LARP1B: variants seen among roughly 807,000 people sequenced by gnomAD.
LARP1B encodes La ribonucleoprotein 1B.
In LARP1B, 76 loss-of-function variants were observed where a neutral mutation model predicts 114.2. The ratio of observed to expected loss-of-function variants is 0.67; its 90% CI spans 0.55 to 0.81. The LOEUF (loss-of-function observed/expected upper bound fraction) is 0.81. LARP1B is among the 30% of genes least tolerant of loss of function. The pLI is 0.00. For missense variants in LARP1B, 1,014 were observed against 1,075.8 expected (o/e 0.94, Z 0.80); for synonymous variants, 345 against 348.0 (o/e 0.99, Z 0.10).
At chr4:128,221,022 G>A (rs184726056) in intron 7 of LARP1B, among the ~76,000 whole-genome samples, 31 of 152,276 alleles carry the variant, frequency 2.0e-4, no homozygotes, top group African/African-American at 6.7e-4. Context: ...GAACTCAACT[G>A]CAATGATTCT....
At chr4:128,083,760 C>T (rs1299028192) in intron 5 of LARP1B, among the ~76,000 whole-genome samples, 21 of 149,164 alleles carry the variant, frequency 1.4e-4, no homozygotes, top group Admixed American at 1.3e-3. Flanking sequence ...GGCAGAGGCG[C>T]CCCTCACCTC....
At position 128,199,352 on chromosome 4, in the gene LARP1B, C is replaced by T. The variant is rs1226819450; in HGVS notation, c.2004-87C>T. Reference sequence around the variant, plus strand: ...CTGTCTTTTCCACTGCTTAGACCCCCAATAATGAAAAAAATAGTACAAATT... The same window carrying T: ...CTGTCTTTTCCACTGCTTAGACCCCTAATAATGAAAAAAATAGTACAAATT... On this transcript the variant is annotated intron_variant, in intron 15 of 19. Transcript: ENST00000326639. 1.2e-5 allele frequency: 13 copies of T among 1,077,028 alleles called. No individual in the cohort carries two copies. In the East Asian group the frequency reaches 3.0e-4, roughly 25 times the overall value. 66.7% of individuals were successfully genotyped at this position (1,077,028 alleles called of 1,614,324 possible).
At chr4:128,203,001 T>C (rs1756454323) in intron 17 of LARP1B, among the ~76,000 whole-genome samples, 1 of 152,106 alleles carries the variant, frequency 6.6e-6, no homozygotes, top group African/African-American at 2.4e-5. Context: ...AGTTCGAGAC[T>C]AGCCTGGCCA....
intron 11 of LARP1B, among the ~76,000 whole-genome samples, chr4:128,148,095 C>G (rs1242612635): frequency 6.6e-6 from 1 of 152,106 alleles, no homozygotes; most frequent in Non-Finnish European, 1.5e-5. Context: ...TCTTAAATCA[C>G]CAGTAAAATA....
At chr4:128,105,304 T>C (rs977642423) in intron 8 of LARP1B, among the ~76,000 whole-genome samples, 3 of 152,194 alleles carry the variant, frequency 2.0e-5, no homozygotes, top group Non-Finnish European at 2.9e-5. Flanking sequence ...GTTCTTGGCA[T>C]TTGTGTAAAT....
At chr4:128,082,045 A>G (rs575869617) in intron 4 of LARP1B, 120 bp from the exon 5 acceptor site, 1 of 984,458 alleles carries the variant, frequency 1.0e-6, no homozygotes, top group Non-Finnish European at 1.5e-6. Flanking sequence ...CTCTTTACAA[A>G]TAATCTTAAA....
intron 11 of LARP1B, among the ~76,000 whole-genome samples, chr4:128,124,669 A>T (rs1018103912): frequency 2.0e-5 from 3 of 152,198 alleles, no homozygotes; most frequent in African/African-American, 4.8e-5. Flanking sequence ...GTACAGGGAC[A>T]AGAGTGGGCA....
intron 6 of LARP1B, 56 bp from the exon 7 acceptor site, chr4:128,091,288 CGTA>C: frequency 6.6e-7 from 1 of 1,516,410 alleles, no homozygotes; most frequent in African/African-American, 1.4e-5. Context: ...TCACTTTATC[CGTA>C]GTAACTATTT....
chr4:128,207,669 T>C (rs1757960729), intron 19 of LARP1B, among the ~76,000 whole-genome samples: 1 of 152,260 alleles, frequency 6.6e-6, no homozygotes, highest in Non-Finnish European at 1.5e-5. Context: ...AATTTTTACC[T>C]GATATGCTAA....
At chr4:128,133,759 C>T (rs1433651833) in intron 11 of LARP1B, among the ~76,000 whole-genome samples, 3 of 152,002 alleles carry the variant, frequency 2.0e-5, no homozygotes, top group African/African-American at 2.4e-5. Context: ...TGCAGTGGTG[C>T]GATCTCAGCT....
At position 128,211,207 on chromosome 4, in the gene LARP1B, A is replaced by G. The variant is rs1758921185; in HGVS notation, c.*1154A>G. 4 of 938,170 alleles carry G rather than the reference A, an allele frequency of 4.3e-6. No homozygotes were observed. The highest frequency in any genetic ancestry group is 1.8e-5 in the African/African-American group (1 of 56,338). The allele number at this position is 938,170 out of a possible 1,614,324, so 58.1% of individuals were successfully genotyped here. ...AGCTGTAATATTCAGTTTTGCTAGT[A>G]AAAGACCATTTTTTTGTGTGAATGA... On this transcript the variant is annotated 3_prime_UTR_variant, in exon 20 of 20. Coordinates refer to ENST00000326639, the MANE Select transcript of LARP1B (RefSeq NM_018078.4).
At chr4:128,193,927 T>G (rs1561542747) in intron 15 of LARP1B, among the ~76,000 whole-genome samples, 2 of 152,194 alleles carry the variant, frequency 1.3e-5, no homozygotes, top group African/African-American at 4.8e-5. Context: ...CTCTTACTCC[T>G]TTTAAATTGT....
chr4:128,167,061 TATACACACACACAC>T (rs1373412089), intron 12 of LARP1B, among the ~76,000 whole-genome samples: 6 of 147,474 alleles, frequency 4.1e-5, no homozygotes, highest in African/African-American at 1.5e-4. Flanking sequence ...CACACACACA[TATACACACACACAC>T]ACATCACCAT....
downstream of LARP1B, among the ~76,000 whole-genome samples, chr4:128,213,854 C>T (rs1412158437): frequency 6.6e-6 from 1 of 152,066 alleles, no homozygotes; most frequent in Non-Finnish European, 1.5e-5. Context: ...GTGAGCGACG[C>T]AGAAGACGGG....
In LARP1B at chr4:128,108,373, A is replaced by G. The variant is rs571311929; in HGVS notation, c.988+1060A>G. ...GTGTAGTGTACATTGTAAAACTCAGATATTGTCATGATGTTTCACTTGGAC... is the reference window on the plus strand; with the variant it reads ...GTGTAGTGTACATTGTAAAACTCAGGTATTGTCATGATGTTTCACTTGGAC... On this transcript the variant is annotated intron_variant, in intron 9 of 19. Transcript: ENST00000326639. 1.9e-4 allele frequency: 186 copies of G among 988,828 alleles called. No homozygotes were observed. The South Asian group carries it at 7.8e-3, about 41-fold the overall frequency. 61.3% of individuals were successfully genotyped at this position (988,828 alleles called of 1,614,324 possible).
chr4:128,163,872 A>G (rs1297549366), intron 12 of LARP1B, among the ~76,000 whole-genome samples: 2 of 152,094 alleles, frequency 1.3e-5, no homozygotes, highest in Non-Finnish European at 2.9e-5. Context: ...TGGACTGTTA[A>G]CTTTAATGTT....
chr4:128,155,938 G>GGCGGTACCA (rs1221909199), intron 11 of LARP1B: 55 of 1,532,902 alleles, frequency 3.6e-5, no homozygotes, highest in Non-Finnish European at 4.6e-5. Flanking sequence ...GGGGTACACA[G>GGCGGTACCA]GCGGTACCAG....
At chr4:128,081,937 T>C (rs1770644786) in intron 4 of LARP1B, among the ~76,000 whole-genome samples, 1 of 152,214 alleles carries the variant, frequency 6.6e-6, no homozygotes, top group Non-Finnish European at 1.5e-5. Flanking sequence ...GGTTTCTCCA[T>C]GTTGGTCAGG....
intron 15 of LARP1B, among the ~76,000 whole-genome samples, chr4:128,182,621 G>A (rs146068448): frequency 1.3e-5 from 2 of 152,190 alleles, no homozygotes; most frequent in East Asian, 3.9e-4. Context: ...GTTGAAATTA[G>A]ACCAACTAAT....
Sources: allele counts gnomAD v4.1 joint callset (sites outside exome capture counted in the v4.1 genomes callset), GRCh38; gene constraint gnomAD v4.1.1; transcripts MANE v1.5; gene names NCBI Gene and HGNC (gene_info 2026-07-23, HGNC 2026-07-21).